COP1: variants seen among roughly 807,000 people sequenced by gnomAD.
COP1 encodes the protein COP1 E3 ubiquitin ligase, also known as E3 ubiquitin-protein ligase COP1.
A neutral mutation model predicts 101.3 loss-of-function variants in COP1; 24 were observed. The observed-to-expected ratio is 0.24, with a 90% CI of 0.17 to 0.33. The LOEUF is 0.33. Among genes scored for constraint, COP1 ranks in the 10% least tolerant of loss-of-function variants. COP1 has a pLI of 1.00. For missense variants in COP1, 663 were observed against 906.2 expected (o/e 0.73, Z 3.45); for synonymous variants, 347 against 341.9 (o/e 1.01, Z -0.17).
At chr1:176,018,668 T>C (rs1275816188) in intron 15 of COP1, 1 of 152,182 alleles carries the variant, frequency 6.6e-6, no homozygotes, top group Non-Finnish European at 1.5e-5. Context: ...ACTAAGTTTA[T>C]CTCTTTTTGC....
At chr1:176,170,891 C>T (rs542349042) in intron 3 of COP1, among the ~76,000 whole-genome samples, 5 of 151,982 alleles carry the variant, frequency 3.3e-5, no homozygotes, top group East Asian at 1.9e-4. Flanking sequence ...TTTGGGAGGC[C>T]GAGACTGGTG....
At chr1:176,179,693 C>T (rs1446446910) in intron 2 of COP1, among the ~76,000 whole-genome samples, 1 of 152,112 alleles carries the variant, frequency 6.6e-6, no homozygotes, top group African/African-American at 2.4e-5. Flanking sequence ...GCCATGTTTG[C>T]ACCACTGCAC....
rs533373179 is a variant in COP1, at chr1:175,965,773, G to A, written c.2134-18534C>T. On this transcript the variant is annotated intron_variant, in intron 18 of 19. Transcript: ENST00000367669. ...CCAGCTAATTTTTGTATTTGGAGACGGGGTTTCATCATGTTGGTCAGGCTG... is the reference window on the plus strand; with the variant it reads ...CCAGCTAATTTTTGTATTTGGAGACAGGGTTTCATCATGTTGGTCAGGCTG... Among the ~76,000 whole-genome samples, 12 of 152,020 alleles carry A rather than the reference G, an allele frequency of 7.9e-5. No homozygotes were observed. In the East Asian group the frequency reaches 1.4e-3, roughly 17 times the overall value.
At chr1:176,183,833 A>C (rs1430294396) in intron 2 of COP1, among the ~76,000 whole-genome samples, 1 of 152,244 alleles carries the variant, frequency 6.6e-6, no homozygotes, top group Admixed American at 6.5e-5. Flanking sequence ...AAGTGAAATA[A>C]GCGAGTCACA....
In COP1 at chr1:176,197,039, A is replaced by G. The variant is rs144183427; in HGVS notation, c.407+9533T>C. 2.6e-3 allele frequency among the ~76,000 whole-genome samples: 399 copies of G among 152,328 alleles called. 3 individuals are homozygous for G. Among genetic ancestry groups the G allele is most frequent in the African/African-American group, 9.2e-3 (381 of 41,580 alleles). ...ATCCCTCGCAAAAGAAAATCCCTAT[A>G]TTCTAACTCCCAGTATCTCAGAATT... On this transcript the variant is annotated intron_variant, in intron 1 of 19. Transcript: ENST00000367669.
chr1:176,008,056 T>A (rs955484194), intron 15 of COP1, among the ~76,000 whole-genome samples: 1 of 152,218 alleles, frequency 6.6e-6, no homozygotes, highest in Non-Finnish European at 1.5e-5. Flanking sequence ...GTGCGCCGTT[T>A]TTTAAGCCGG....
intron 3 of COP1, among the ~76,000 whole-genome samples, chr1:176,168,441 A>AAAGGGAAGAAGGAAGCGAGGGAGGGAGG (rs1695491535): frequency 6.9e-6 from 1 of 144,216 alleles, no homozygotes; most frequent in African/African-American, 2.5e-5. Context: ...AGGAAGGAAG[A>AAAGGGAAGAAGGAAGCGAGGGAGGGAGG]AAGGGAAGAA....
intron 14 of COP1, among the ~76,000 whole-genome samples, chr1:176,037,275 C>T (rs549473512): frequency 8.6e-4 from 131 of 151,940 alleles, no homozygotes; most frequent in African/African-American, 3.1e-3. Context: ...GGCATGGTGG[C>T]GGGTGCCCGT....
At chr1:176,030,872 T>C (rs1157048438) in intron 14 of COP1, among the ~76,000 whole-genome samples, 1 of 152,072 alleles carries the variant, frequency 6.6e-6, no homozygotes, top group Non-Finnish European at 1.5e-5. Context: ...TGTAACAAAG[T>C]TAAAATTACG....
rs563757365 is a variant in COP1 at position 176,093,064 on chromosome 1, T to TCTA, written c.1027-7175_1027-7174insTAG. 2.6e-3 allele frequency among the ~76,000 whole-genome samples: 400 copies of TCTA among 152,226 alleles called. 3 individuals carry two copies. The highest frequency in any genetic ancestry group is 9.2e-3 in the African/African-American group (382 of 41,548). The stretch of plus-strand genomic sequence containing the variant: ...TCTCTGAAAAAACAAATCTCAGAAA[T>TCTA]CTTACTATAATATTTTTATAAAGTT... On this transcript the variant is annotated intron_variant, in intron 9 of 19. Coordinates refer to ENST00000367669, the MANE Select transcript of COP1 (RefSeq NM_022457.7).
intron 18 of COP1, chr1:175,968,586 T>C (rs1652585583): frequency 2.1e-6 from 1 of 471,702 alleles, no homozygotes; most frequent in Non-Finnish European, 4.2e-6. Context: ...ACCAGTCTTT[T>C]ATATTCCAAT....
intron 3 of COP1, among the ~76,000 whole-genome samples, chr1:176,174,722 A>C (rs184043068): frequency 6.6e-6 from 1 of 152,210 alleles, no homozygotes; most frequent in Non-Finnish European, 1.5e-5. Context: ...AAGTACTAGC[A>C]GGTCAGAATC....
chr1:175,991,664 C>T (rs192097500), intron 15 of COP1, among the ~76,000 whole-genome samples: 1 of 152,140 alleles, frequency 6.6e-6, no homozygotes, highest in Non-Finnish European at 1.5e-5. Flanking sequence ...CATTGTACAG[C>T]TGGACAAAAG....
chr1:176,053,151 C>T (rs1672860064), intron 11 of COP1, among the ~76,000 whole-genome samples: 1 of 152,158 alleles, frequency 6.6e-6, no homozygotes, highest in African/African-American at 2.4e-5. Context: ...CCCAGATAAG[C>T]CATTAATAAT....
At chr1:175,974,594 TA>T (rs1440898150) in intron 18 of COP1, among the ~76,000 whole-genome samples, 1 of 152,186 alleles carries the variant, frequency 6.6e-6, no homozygotes, top group African/African-American at 2.4e-5. Flanking sequence ...ATGGAAAAGA[TA>T]TAAAACGTTT....
chr1:176,131,132 T>C (rs1373184289), intron 8 of COP1, among the ~76,000 whole-genome samples: 3 of 151,632 alleles, frequency 2.0e-5, no homozygotes, highest in Non-Finnish European at 3.0e-5. Context: ...ACAAAAACAA[T>C]AGGCTGGGGC....
intron 2 of COP1, among the ~76,000 whole-genome samples, chr1:176,176,854 G>C (rs553300532): frequency 2.0e-5 from 3 of 152,172 alleles, no homozygotes; most frequent in South Asian, 4.1e-4. Flanking sequence ...CATAGTTAAA[G>C]AGTATATGTG....
chr1:176,036,673 G>C (rs1361914890), intron 14 of COP1, among the ~76,000 whole-genome samples: 2 of 152,046 alleles, frequency 1.3e-5, no homozygotes, highest in Non-Finnish European at 2.9e-5. Context: ...TTTGAATTTT[G>C]ATATTTCACC....
intron 9 of COP1, among the ~76,000 whole-genome samples, chr1:176,091,665 G>T (rs1681343020): frequency 6.6e-6 from 1 of 151,908 alleles, no homozygotes; most frequent in African/African-American, 2.4e-5. Flanking sequence ...AAATTTCAAA[G>T]ACAACTACTG....
Sources: allele counts gnomAD v4.1 joint callset (sites outside exome capture counted in the v4.1 genomes callset), GRCh38; gene constraint gnomAD v4.1.1; transcripts MANE v1.5; gene names NCBI Gene and HGNC (gene_info 2026-07-23, HGNC 2026-07-21).